Variants in KIAA0825 observed in about 807,000 individuals in gnomAD.
The protein encoded by KIAA0825 is uncharacterized protein KIAA0825.
KIAA0825 carries 119 observed loss-of-function variants against 147.6 expected under a neutral mutation model. The ratio of observed to expected loss-of-function variants is 0.81; its 90% CI spans 0.69 to 0.94. The LOEUF (loss-of-function observed/expected upper bound fraction) is 0.94. KIAA0825 is among the 40% of genes least tolerant of loss of function. The pLI, the probability that KIAA0825 is intolerant of heterozygous loss-of-function variation, is 0.00. For missense variants in KIAA0825, 1,381 were observed against 1,472.7 expected (o/e 0.94, Z 1.02); for synonymous variants, 470 against 518.1 (o/e 0.91, Z 1.26).
intron 14 of KIAA0825, among the ~76,000 whole-genome samples, chr5:94,425,817 G>A (rs1334634948): frequency 6.6e-6 from 1 of 151,912 alleles, no homozygotes; most frequent in African/African-American, 2.4e-5. Flanking sequence ...TCTAACAGGG[G>A]TAAGATGATA....
In KIAA0825 at chr5:94,396,315, C is replaced by A. The variant is rs757800455; in HGVS notation, c.3082G>T (p.Asp1028Tyr). 32 of 1,550,374 alleles carry A rather than the reference C, an allele frequency of 2.1e-5. No individual in the cohort carries two copies. Among genetic ancestry groups the A allele is most frequent in the Non-Finnish European group, 2.8e-5 (32 of 1,146,530 alleles). ...LIVIICRIFEDGNTVELLTGA... is the reference protein window; with the variant it reads ...LIVIICRIFEYGNTVELLTGA... ...GTTAAAAGTTCCACAGTGTTTCCGT[C>A]CTCAAATATCCGACATATAATTACA... Residue 1028 changes from aspartate (D) to tyrosine (Y), a missense_variant, in exon 17 of 21, where the codon GAC (aspartate) becomes TAC (tyrosine). Physicochemically the swap from Asp to Tyr is radical, Grantham distance 160. Transcript: ENST00000682413.
At chr5:94,377,841 G>A (rs29935) in intron 20 of KIAA0825, among the ~76,000 whole-genome samples, 24,686 of 152,018 alleles carry the variant, frequency 0.16, 2,134 homozygotes, top group African/African-American at 0.21. Flanking sequence ...CTCATAATTA[G>A]TTTACAAAGG....
chr5:94,206,944 C>A (rs1346251986), intron 20 of KIAA0825, among the ~76,000 whole-genome samples: 2 of 152,152 alleles, frequency 1.3e-5, no homozygotes, highest in African/African-American at 4.8e-5. Flanking sequence ...TACCACATTG[C>A]TGTTCTTTTC....
rs1562283935 is a variant in KIAA0825, at chr5:94,152,843, AAAAAAAAAAAAATT to A, written c.*1150_*1163del. 1.3e-3 allele frequency: 47 copies of A among 35,676 alleles called. 1 individual carries two copies. The highest frequency in any genetic ancestry group is 2.4e-3 in the Non-Finnish European group (43 of 18,220). The allele number at this position is 35,676 out of a possible 1,614,324, so 2.2% of individuals were successfully genotyped here. A position where few individuals can be genotyped will look rare whatever the true frequency, so the allele number is the denominator to read the frequency against. On this transcript the variant is annotated 3_prime_UTR_variant, in exon 21 of 21. Coordinates refer to ENST00000682413, the MANE Select transcript of KIAA0825 (RefSeq NM_001145678.3). ...AATGAAAAAAAAAAAAAAAAAAAAA[AAAAAAAAAAAAATT>A]ATATATATATATATATATATATATA... is the stretch of plus-strand genomic sequence containing the variant.
Position 94,565,094 on chromosome 5 carries a change from C to CTTTTTTTTTTTTTTTTT in KIAA0825, c.-2+17338_-2+17339insAAAAAAAAAAAAAAAAA, listed in dbSNP as rs1285299381. On this transcript the variant is annotated intron_variant, in intron 2 of 20. Coordinates refer to ENST00000682413, the MANE Select transcript of KIAA0825 (RefSeq NM_001145678.3). ...TCTCTTTCTCTCTCTTTCTTGCTTT[C>CTTTTTTTTTTTTTTTTT]CTTTTTTTTTTTTTTTTTTGGTAGA... 3.9e-4 allele frequency among the ~76,000 whole-genome samples: 20 copies of CTTTTTTTTTTTTTTTTT among 51,898 alleles called. 1 individual carries two copies. Among genetic ancestry groups the CTTTTTTTTTTTTTTTTT allele is most frequent in the Non-Finnish European group, 6.5e-4 (16 of 24,734 alleles). 34.0% of individuals were successfully genotyped at this position (51,898 alleles called of 152,430 possible).
chr5:94,204,765 C>A (rs959229582), intron 20 of KIAA0825, among the ~76,000 whole-genome samples: 1 of 152,194 alleles, frequency 6.6e-6, no homozygotes, highest in African/African-American at 2.4e-5. Context: ...ATGACCTCCT[C>A]TCCTCTACAG....
At chr5:94,427,484 C>G (rs964305452) in intron 14 of KIAA0825, among the ~76,000 whole-genome samples, 7 of 152,038 alleles carry the variant, frequency 4.6e-5, no homozygotes, top group African/African-American at 1.4e-4. Context: ...TGCAGTGAGC[C>G]ATGATTGCAC....
chr5:94,500,380 TG>T lies in KIAA0825; in HGVS notation c.971-15451del, dbSNP rs143777360. Among the ~76,000 whole-genome samples, 478 of 152,184 alleles carry T rather than the reference TG, an allele frequency of 3.1e-3. 1 individual carries two copies. Among genetic ancestry groups the T allele is most frequent in the African/African-American group, 0.011 (471 of 41,520 alleles). ...CTAAATTAGGCCTTGATGGCAGAAA[TG>T]GAGAAGAGGAGATAGACTTGGAAAT... On this transcript the variant is annotated intron_variant, in intron 5 of 20. Transcript: ENST00000682413.
At chr5:94,436,452 G>A (rs908027199) in intron 14 of KIAA0825, among the ~76,000 whole-genome samples, 1 of 151,932 alleles carries the variant, frequency 6.6e-6, no homozygotes, top group Non-Finnish European at 1.5e-5. Context: ...CTTATTTCTG[G>A]GTTCTCTGTT....
intron 6 of KIAA0825, among the ~76,000 whole-genome samples, chr5:94,482,270 T>G (rs897658177): frequency 7.9e-5 from 12 of 152,170 alleles, no homozygotes; most frequent in East Asian, 3.9e-4. Flanking sequence ...GTAAAATATT[T>G]GGTTAATCAT....
intron 1 of KIAA0825, among the ~76,000 whole-genome samples, chr5:94,597,832 T>A (rs1011167314): frequency 3.3e-5 from 5 of 152,162 alleles, no homozygotes; most frequent in Non-Finnish European, 7.4e-5. Context: ...TTGCAGGCAA[T>A]TGTAACACAA....
chr5:94,256,182 G>C (rs528176764), intron 20 of KIAA0825, among the ~76,000 whole-genome samples: 1 of 152,260 alleles, frequency 6.6e-6, no homozygotes, highest in South Asian at 2.1e-4. Flanking sequence ...TGTGATTCAA[G>C]AAGGAAATGG....
chr5:94,167,988 T>C (rs1412337273), intron 20 of KIAA0825, among the ~76,000 whole-genome samples: 1 of 150,718 alleles, frequency 6.6e-6, no homozygotes, highest in Non-Finnish European at 1.5e-5. Context: ...TTTGCTACTA[T>C]GGTACACTAC....
chr5:94,341,779 C>G (rs1469517987), intron 20 of KIAA0825, among the ~76,000 whole-genome samples: 1 of 152,014 alleles, frequency 6.6e-6, no homozygotes, highest in Admixed American at 6.6e-5. Flanking sequence ...TTCATTGTCA[C>G]ATTAAACCAA....
chr5:94,250,473 G>C (rs1187056179), intron 20 of KIAA0825, among the ~76,000 whole-genome samples: 1 of 152,026 alleles, frequency 6.6e-6, no homozygotes, highest in Admixed American at 6.6e-5. Context: ...CTTTAGAGTA[G>C]TTATATAACA....
At chr5:94,224,077 CT>C (rs1773920941) in intron 20 of KIAA0825, among the ~76,000 whole-genome samples, 1 of 69,692 alleles carries the variant, frequency 1.4e-5, no homozygotes, top group East Asian at 3.9e-4. Context: ...CTTTCTTTTT[CT>C]TTTCTTTTTT....
intron 5 of KIAA0825, among the ~76,000 whole-genome samples, chr5:94,506,639 T>C (rs1765770191): frequency 6.6e-6 from 1 of 152,222 alleles, no homozygotes; most frequent in African/African-American, 2.4e-5. Context: ...TGGCAGGTTC[T>C]GATCTGGAGA....
intron 20 of KIAA0825, among the ~76,000 whole-genome samples, chr5:94,300,523 G>A (rs190539122): frequency 8.9e-4 from 136 of 152,034 alleles, no homozygotes; most frequent in African/African-American, 3.2e-3. Flanking sequence ...ATTTTTAAAG[G>A]TAATGAACAC....
chr5:94,541,211 A>T (rs1773231545), intron 2 of KIAA0825, among the ~76,000 whole-genome samples: 2 of 152,332 alleles, frequency 1.3e-5, no homozygotes, highest in South Asian at 2.1e-4. Flanking sequence ...GTGGAGTTAG[A>T]CGCTGGAAAG....
Sources: allele counts gnomAD v4.1 joint callset (sites outside exome capture counted in the v4.1 genomes callset), GRCh38; gene constraint gnomAD v4.1.1; transcripts MANE v1.5; gene names NCBI Gene and HGNC (gene_info 2026-07-23, HGNC 2026-07-21).